The following CNTN5 variants were observed in gnomAD, a reference collection of about 807,000 sequenced individuals.
CNTN5 encodes contactin-5.
Under a neutral mutation model 129.1 loss-of-function variants are expected in CNTN5, and 77 were observed. The ratio of observed to expected loss-of-function variants is 0.60; its 90% CI spans 0.50 to 0.72. The LOEUF (loss-of-function observed/expected upper bound fraction) is 0.72, where lower values mean the gene tolerates loss of function less well. CNTN5 is among the 30% of genes least tolerant of loss of function. The probability of loss-of-function intolerance (pLI) is 0.00; values close to 1 mark genes in which losing one functional copy is unlikely to be tolerated. For synonymous variants in CNTN5, 509 were observed against 465.6 expected (o/e 1.09, Z -1.20); for missense variants, 1,478 against 1,328.8 (o/e 1.11, Z -1.75).
intron 3 of CNTN5, among the ~76,000 whole-genome samples, chr11:99,658,110 G>T (rs1235673121): frequency 1.3e-5 from 2 of 151,822 alleles, no homozygotes; most frequent in Admixed American, 6.6e-5. Context: ...ACCTCTTGTG[G>T]AGTTTACATT....
At chr11:99,724,798 A>T (rs1943283978) in intron 3 of CNTN5, among the ~76,000 whole-genome samples, 1 of 152,214 alleles carries the variant, frequency 6.6e-6, no homozygotes, top group Non-Finnish European at 1.5e-5. Flanking sequence ...AAAGGAGTGA[A>T]TGTCCCCTTG....
chr11:99,618,322 G>A (rs1214893289), intron 3 of CNTN5, among the ~76,000 whole-genome samples: 1 of 152,138 alleles, frequency 6.6e-6, no homozygotes, highest in Admixed American at 6.5e-5. Context: ...ACTAACCGAA[G>A]GCAGGAACAT....
chr11:99,309,868 G>A (rs186679112), intron 1 of CNTN5, among the ~76,000 whole-genome samples: 30 of 151,978 alleles, frequency 2.0e-4, no homozygotes, highest in Admixed American at 1.1e-3. Flanking sequence ...ATTGTACTGC[G>A]TGAAAGGCAA....
intron 13 of CNTN5, among the ~76,000 whole-genome samples, chr11:100,141,855 G>A (rs1340051144): frequency 6.6e-6 from 1 of 152,124 alleles, no homozygotes; most frequent in Non-Finnish European, 1.5e-5. Context: ...TTGAAAGCCA[G>A]TAAAGCATTA....
intron 1 of CNTN5, among the ~76,000 whole-genome samples, chr11:99,147,753 T>C (rs1859858129): frequency 6.6e-6 from 1 of 152,176 alleles, no homozygotes; most frequent in Non-Finnish European, 1.5e-5. Context: ...ATTTGTGGAC[T>C]AACACTATAA....
At chr11:99,576,391 G>C (rs1257766166) in intron 3 of CNTN5, among the ~76,000 whole-genome samples, 1 of 152,168 alleles carries the variant, frequency 6.6e-6, no homozygotes, top group Non-Finnish European at 1.5e-5. Context: ...AAGTGTTTTA[G>C]TCCCTATTAT....
At chr11:99,591,939 G>T (rs1949993480) in intron 3 of CNTN5, among the ~76,000 whole-genome samples, 1 of 152,146 alleles carries the variant, frequency 6.6e-6, no homozygotes, top group African/African-American at 2.4e-5. Context: ...AATAGAGATG[G>T]AGAAAAGTAA....
rs527368717 is a variant in CNTN5 at position 99,878,686 on chromosome 11, T to C, written c.577+33424T>C. 2.8e-4 allele frequency among the ~76,000 whole-genome samples: 43 copies of C among 152,020 alleles called. No homozygotes were observed. The South Asian group carries it at 8.9e-3, about 32-fold the overall frequency. On this transcript the variant is annotated intron_variant, in intron 6 of 24. Transcript: ENST00000524871. The stretch of plus-strand genomic sequence containing the variant: ...CCCTGGCCAACATGGTGAAACCCCG[T>C]CTCTACTAGAAATCCAAAAATTAGC...
intron 2 of CNTN5, among the ~76,000 whole-genome samples, chr11:99,351,323 T>C (rs905356560): frequency 6.6e-5 from 10 of 152,218 alleles, no homozygotes; most frequent in African/African-American, 2.4e-4. Context: ...ATTGGCCCTG[T>C]TTTGTAGATA....
chr11:100,027,430 T>C (rs917803888), intron 9 of CNTN5, among the ~76,000 whole-genome samples: 8 of 152,336 alleles, frequency 5.3e-5, no homozygotes, highest in East Asian at 1.9e-4. Context: ...CCTTTCTTAG[T>C]ACTCGAACAA....
At chr11:99,966,532 C>T (rs1951098735) in intron 8 of CNTN5, among the ~76,000 whole-genome samples, 1 of 152,166 alleles carries the variant, frequency 6.6e-6, no homozygotes, top group East Asian at 1.9e-4. Context: ...ATCTCCCATT[C>T]CCAGAGTGTA....
intron 8 of CNTN5, among the ~76,000 whole-genome samples, chr11:99,972,469 C>G (rs1375525488): frequency 1.3e-5 from 2 of 152,112 alleles, no homozygotes; most frequent in Admixed American, 6.6e-5. Flanking sequence ...ACAAGAGCAG[C>G]CCTCTCCCAG....
At chr11:99,815,017 A>G (rs1048306377) in intron 3 of CNTN5, among the ~76,000 whole-genome samples, 1 of 150,682 alleles carries the variant, frequency 6.6e-6, no homozygotes, top group African/African-American at 2.4e-5. Flanking sequence ...AGAACTCACT[A>G]TCACAAGAAC....
At chr11:99,329,518 C>G (rs1190503135) in intron 2 of CNTN5, among the ~76,000 whole-genome samples, 1 of 152,144 alleles carries the variant, frequency 6.6e-6, no homozygotes, top group Non-Finnish European at 1.5e-5. Context: ...CACCTGAACA[C>G]CTCAAGGCTG....
intron 2 of CNTN5, among the ~76,000 whole-genome samples, chr11:99,326,727 C>T (rs554164940): frequency 6.6e-6 from 1 of 151,588 alleles, no homozygotes; most frequent in South Asian, 2.1e-4. Flanking sequence ...AGAAAAGCAA[C>T]CACATAAAAG....
At chr11:99,525,983 A>T (rs1353974922) in intron 2 of CNTN5, among the ~76,000 whole-genome samples, 1 of 144,084 alleles carries the variant, frequency 6.9e-6, no homozygotes, top group East Asian at 2.0e-4. Context: ...TTTAAAAGGC[A>T]TTATACATTA....
intron 1 of CNTN5, among the ~76,000 whole-genome samples, chr11:99,021,575 A>AAT (rs1862870984): frequency 6.6e-6 from 1 of 152,246 alleles, no homozygotes; most frequent in South Asian, 2.1e-4. Flanking sequence ...ATTGTAAGGC[A>AAT]ATAAATGCCA....
intron 6 of CNTN5, among the ~76,000 whole-genome samples, chr11:99,884,480 T>C (rs1948847842): frequency 6.6e-6 from 1 of 152,168 alleles, no homozygotes; most frequent in African/African-American, 2.4e-5. Context: ...AGAATAGACA[T>C]TGTTGAAGCA....
At chr11:99,141,771 C>T (rs1859527772) in intron 1 of CNTN5, among the ~76,000 whole-genome samples, 1 of 152,100 alleles carries the variant, frequency 6.6e-6, no homozygotes, top group Non-Finnish European at 1.5e-5. Flanking sequence ...CATCCAGGAG[C>T]AGTTTGTTTA....
Sources: allele counts gnomAD v4.1 joint callset (sites outside exome capture counted in the v4.1 genomes callset), GRCh38; gene constraint gnomAD v4.1.1; transcripts MANE v1.5; gene names NCBI Gene and HGNC (gene_info 2026-07-23, HGNC 2026-07-21).